Variants in EIF1B observed in about 807,000 individuals in gnomAD.
The protein encoded by EIF1B is eukaryotic translation initiation factor 1B.
Under a neutral mutation model 14.8 loss-of-function variants are expected in EIF1B, and 5 were observed. The observed-to-expected ratio is 0.34, with a 90% CI of 0.18 to 0.71. The LOEUF is 0.71. Ranked by LOEUF, EIF1B falls within the 30% of genes least tolerant of loss-of-function variation. The pLI, the probability that EIF1B is intolerant of heterozygous loss-of-function variation, is 0.64. For synonymous variants in EIF1B, 45 were observed against 45.8 expected (o/e 0.98, Z 0.07); for missense variants, 56 against 134.0 (o/e 0.42, Z 2.87).
intron 1 of EIF1B, among the ~76,000 whole-genome samples, chr3:40,310,330 G>A (rs534695667): frequency 1.3e-5 from 2 of 152,356 alleles, no homozygotes; most frequent in East Asian, 3.9e-4. Context: ...GGAAACCAGG[G>A]ATCGGCGCCC....
chr3:40,312,003 C>A lies in EIF1B; in HGVS notation c.331C>A (p.His111Asn). Residue 111 changes from histidine to asparagine, a missense_variant, in exon 4 of 4, where the codon CAT becomes AAT. This residue lies in a region of EIF1B where 35 missense variants were observed against 82.9 expected (regional missense o/e 0.42). Coordinates refer to ENST00000232905, the MANE Select transcript of EIF1B (RefSeq NM_005875.3). ...TGTAAAGGAGGAACAGCTTAAGGTT[C>A]ATGGATTCTAAAATGAACCTAAATA... Reference protein sequence around the residue: ...GIVKEEQLKVHGF With the variant: ...GIVKEEQLKVNGF The A allele has an allele frequency of 6.2e-7, 1 of 1,609,942 alleles. No homozygotes were observed. The highest frequency in any genetic ancestry group is 8.5e-7 in the Non-Finnish European group (1 of 1,176,966).
In EIF1B at chr3:40,309,877, G is replaced by A; in HGVS notation, c.-65G>A. The A allele has an allele frequency of 6.3e-7, 1 of 1,577,150 alleles. No individual in the cohort carries two copies. Among genetic ancestry groups the A allele is most frequent in the Non-Finnish European group, 8.7e-7 (1 of 1,147,088 alleles). ...CGTTTTCTCGCCACTACAGCCTCCT[G>A]ACAAGGTGATCCGGGCGGGCCCCGC... On this transcript the variant is annotated 5_prime_UTR_variant, in exon 1 of 4. Coordinates refer to ENST00000232905, the MANE Select transcript of EIF1B (RefSeq NM_005875.3).
Position 40,312,285 on chromosome 3 carries a change from G to C in EIF1B, c.*271G>C. The C allele has an allele frequency of 1.1e-5, 3 of 269,278 alleles. No individual in the cohort carries two copies. Among genetic ancestry groups the C allele is most frequent in the South Asian group, 1.6e-4 (2 of 12,672 alleles). 16.7% of individuals were successfully genotyped at this position (269,278 alleles called of 1,614,324 possible). ...GAGTGTTTATTGTTCAGTTTATTAC[G>C]TTTCACTTGATTAAATTTTTTTGTT... On this transcript the variant is annotated 3_prime_UTR_variant, in exon 4 of 4. Transcript: ENST00000232905.
At chr3:40,311,445 G>T in intron 2 of EIF1B, 25 bp from the exon 3 acceptor site, 1 of 1,551,930 alleles carries the variant, frequency 6.4e-7, no homozygotes. Context: ...ACTAAATTTT[G>T]TTGTATATTT....
At chr3:40,311,184 T>A in intron 2 of EIF1B, 128 bp downstream of exon 2, 1 of 887,130 alleles carries the variant, frequency 1.1e-6, no homozygotes, top group East Asian at 2.8e-5. Flanking sequence ...TTTTTGTAAT[T>A]AACATGTAAA....
At position 40,312,284 on chromosome 3, in the gene EIF1B, C is replaced by A. The variant is rs878988278; in HGVS notation, c.*270C>A. 2 of 290,682 alleles carry A rather than the reference C, an allele frequency of 6.9e-6. No individual in the cohort carries two copies. Among genetic ancestry groups the A allele is most frequent in the Non-Finnish European group, 5.8e-6 (1 of 173,752 alleles). The allele number at this position is 290,682 out of a possible 1,614,324, so 18.0% of individuals were successfully genotyped here. ...TGAGTGTTTATTGTTCAGTTTATTA[C>A]GTTTCACTTGATTAAATTTTTTTGT... On this transcript the variant is annotated 3_prime_UTR_variant, in exon 4 of 4. Transcript: ENST00000232905.
Position 40,311,491 on chromosome 3 carries a change from G to C in EIF1B, c.217G>C (p.Val73Leu), listed in dbSNP as rs778337975. Residue 73 changes from valine to leucine, a missense_variant, in exon 3 of 4, where the codon GTG becomes CTG. Around this residue, in one of 3 missense-constraint regions of EIF1B, gnomAD observed 35 missense variants for 82.9 expected, o/e 0.42. Coordinates refer to ENST00000232905, the MANE Select transcript of EIF1B (RefSeq NM_005875.3). ...CCAGAAATTTGCCTGTAATGGTACTGTGATTGAACATCCTGAATACGGAGA... is the reference window on the plus strand; with the variant it reads ...CCAGAAATTTGCCTGTAATGGTACTCTGATTGAACATCCTGAATACGGAGA... ...FKKKFACNGT[V>L]IEHPEYGEVI... 2.5e-6 allele frequency: 4 copies of C among 1,613,446 alleles called. No individual in the cohort carries two copies. Among genetic ancestry groups the C allele is most frequent in the Non-Finnish European group, 3.4e-6 (4 of 1,179,768 alleles).
At position 40,309,832 on chromosome 3, in the gene EIF1B, A is replaced by G; in HGVS notation, c.-110A>G. Reference sequence around the variant, plus strand: ...CAGCCTAATCCCAACCCCAGGGCGAAGCGTTTTCTTATTTATTTCCGTTTT... The same window carrying G: ...CAGCCTAATCCCAACCCCAGGGCGAGGCGTTTTCTTATTTATTTCCGTTTT... On this transcript the variant is annotated 5_prime_UTR_variant, in exon 1 of 4. Transcript: ENST00000232905. 2 of 1,345,038 alleles carry G rather than the reference A, an allele frequency of 1.5e-6. No homozygotes were observed. The highest frequency in any genetic ancestry group is 1.2e-5 in the South Asian group (1 of 84,624). The allele number at this position is 1,345,038 out of a possible 1,614,324, so 83.3% of individuals were successfully genotyped here.
rs1003710292 is a variant in EIF1B at position 40,309,967 on chromosome 3, C to T, written c.26C>T (p.Ser9Phe). MSTIQNLQ[S>F]FDPFADATKG... is the part of the protein sequence containing the mutation. ...ATGTCCACTATCCAGAACCTCCAAT[C>T]TTTCGGTAAGATCCCGTCGCCGCCG... Residue 9 changes from serine (S) to phenylalanine (F), a missense_variant, in exon 1 of 4, where the codon TCT (serine) becomes TTT (phenylalanine). Coordinates refer to ENST00000232905, the MANE Select transcript of EIF1B (RefSeq NM_005875.3). The T allele has an allele frequency of 1.2e-6, 2 of 1,614,028 alleles. No homozygotes were observed. Among genetic ancestry groups the T allele is most frequent in the Non-Finnish European group, 1.7e-6 (2 of 1,179,992 alleles).
chr3:40,311,011 T>C lies in EIF1B; in HGVS notation c.150T>C (p.Ile50=). The change falls in exon 2 of 4, where the codon ATT becomes ATC. Residue 50 remains isoleucine, a synonymous_variant. Coordinates refer to ENST00000232905, the MANE Select transcript of EIF1B (RefSeq NM_005875.3). ...AGACACTGACTACTGTTCAGGGCAT[T>C]GCAGATGATTATGACAAAAAGAAAC... ...GRKTLTTVQG[I]ADDYDKKKLV... The C allele has an allele frequency of 6.2e-7, 1 of 1,613,986 alleles. No individual in the cohort carries two copies. The highest frequency in any genetic ancestry group is 8.5e-7 in the Non-Finnish European group (1 of 1,179,986).
intron 1 of EIF1B, 83 bp downstream of exon 1, chr3:40,310,055 C>T: frequency 1.3e-6 from 2 of 1,572,700 alleles, no homozygotes; most frequent in African/African-American, 1.3e-5. Context: ...CCCCTAGGGG[C>T]CCCCTTTCTG....
At chr3:40,310,615 C>T (rs186019132) in intron 1 of EIF1B, 148 of 273,506 alleles carry the variant, frequency 5.4e-4, no homozygotes, top group Non-Finnish European at 7.6e-4. Flanking sequence ...AAATCTTTTT[C>T]TCATTAGAGG....
chr3:40,310,098 G>A, intron 1 of EIF1B, 126 bp downstream of exon 1: 2 of 1,336,348 alleles, frequency 1.5e-6, no homozygotes, highest in Non-Finnish European at 2.1e-6. Context: ...GCTTTGTCTC[G>A]GCGCCCAGAA....
At chr3:40,311,641 T>G (rs781739805) in intron 3 of EIF1B, 70 bp downstream of exon 3, 4 of 1,259,970 alleles carry the variant, frequency 3.2e-6, no homozygotes, top group Admixed American at 3.6e-5. Flanking sequence ...GCAACATGAT[T>G]TGTTTTCTAC....
At chr3:40,310,560 G>A (rs9826419) in intron 1 of EIF1B, 68,612 of 210,402 alleles carry the variant, frequency 0.33, 11,857 homozygotes, top group East Asian at 0.6. Context: ...GAATGTAATC[G>A]AGATGACGCA....
intron 1 of EIF1B, 143 bp from the exon 2 acceptor site, chr3:40,310,750 C>T (rs1954315590): frequency 6.1e-6 from 5 of 814,428 alleles, no homozygotes; most frequent in East Asian, 5.6e-5. Context: ...CCCCCATCTC[C>T]ATTCCTACCG....
chr3:40,311,191 T>A, intron 2 of EIF1B, 135 bp downstream of exon 2: 1 of 846,988 alleles, frequency 1.2e-6, no homozygotes, highest in Non-Finnish European at 1.8e-6. Flanking sequence ...AATTAACATG[T>A]AAATATTTAG....
Position 40,312,231 on chromosome 3 carries a change from CTT to C in EIF1B, c.*219_*220del. On this transcript the variant is annotated 3_prime_UTR_variant, in exon 4 of 4. Transcript: ENST00000232905. The stretch of plus-strand genomic sequence containing the variant: ...AGATGGTAACAAAACCTCATATTGT[CTT>C]TACATGTTTCCAATGGAAAATGTTT... 1 of 496,202 alleles carries C rather than the reference CTT, an allele frequency of 2.0e-6. No homozygotes were observed. Among genetic ancestry groups the C allele is most frequent in the East Asian group, 3.4e-5 (1 of 29,170 alleles). 30.7% of individuals were successfully genotyped at this position (496,202 alleles called of 1,614,324 possible).
intron 1 of EIF1B, 44 bp downstream of exon 1, chr3:40,310,016 A>G (rs1415720639): frequency 2.5e-6 from 4 of 1,611,666 alleles, no homozygotes; most frequent in Non-Finnish European, 3.4e-6. Context: ...CCCGGCGCGC[A>G]TCTCGGCCTT....
Sources: allele counts gnomAD v4.1 joint callset (sites outside exome capture counted in the v4.1 genomes callset), GRCh38; gene constraint gnomAD v4.1.1; regional missense constraint gnomAD v4.1.1; transcripts MANE v1.5; gene names NCBI Gene and HGNC (gene_info 2026-07-23, HGNC 2026-07-21).